Variants in PCDHGA9 observed in about 807,000 individuals in gnomAD.
PCDHGA9 encodes the protein protocadherin gamma subfamily A, 9, also known as protocadherin gamma-A9.
A neutral mutation model predicts 62.5 loss-of-function variants in PCDHGA9; 37 were observed. The ratio of observed to expected loss-of-function variants is 0.59; its 90% CI spans 0.46 to 0.78. The LOEUF (loss-of-function observed/expected upper bound fraction) is 0.78. Among genes scored for constraint, PCDHGA9 ranks in the 30% least tolerant of loss-of-function variants. The probability of loss-of-function intolerance (pLI) is 0.00; values close to 1 mark genes in which losing one functional copy is unlikely to be tolerated. For missense variants in PCDHGA9, 1,138 were observed against 1,166.2 expected, an observed-to-expected ratio of 0.98 and a Z score of 0.35; for synonymous variants, 459 against 484.6, an observed-to-expected ratio of 0.95 and a Z score of 0.69.
chr5:141,428,073 G>A (rs2097106496), intron 1 of PCDHGA9: 1 of 1,609,082 alleles, frequency 6.2e-7, no homozygotes, highest in Admixed American at 1.7e-5. Flanking sequence ...CGCAGATTCG[G>A]GACACAACGC....
At position 141,476,172 on chromosome 5, in the gene PCDHGA9, T is replaced by C; in HGVS notation, c.2425-18635T>C. 6.2e-7 allele frequency: 1 copy of C among 1,612,930 alleles called. No individual in the cohort carries two copies. The highest frequency in any genetic ancestry group is 1.1e-5 in the South Asian group (1 of 91,026). On this transcript the variant is annotated intron_variant, in intron 1 of 3. Coordinates refer to ENST00000573521, the MANE Select transcript of PCDHGA9 (RefSeq NM_018921.3). This position sits in a 1 kb window ranked among gnomAD's most constrained non-coding sequence, Gnocchi z 7.6. ...GTAAGCACCGGGAGGGTAGTGGGAG[T>C]TTTGCTTCTGCTTGGTGCCTTGAAC...
intron 2 of PCDHGA9, among the ~76,000 whole-genome samples, chr5:141,499,317 A>G (rs532848559): frequency 7.9e-5 from 12 of 152,354 alleles, no homozygotes; most frequent in Admixed American, 1.3e-4. Context: ...GAGAGACAGT[A>G]TCCCTGCTCT....
intron 1 of PCDHGA9, among the ~76,000 whole-genome samples, chr5:141,453,357 C>T (rs1027586816): frequency 1.3e-5 from 2 of 152,002 alleles, no homozygotes; most frequent in Admixed American, 6.6e-5. Flanking sequence ...TGACCCTGAA[C>T]TCCTGGGGTC....
chr5:141,431,464 G>A lies in PCDHGA9; in HGVS notation c.2424+26088G>A. The A allele has an allele frequency of 1.9e-6, 3 of 1,613,782 alleles. No individual in the cohort carries two copies. Among genetic ancestry groups the A allele is most frequent in the Non-Finnish European group, 1.7e-6 (2 of 1,179,972 alleles). ...GCATCCGCGTGATGGTTCTGGATGC[G>A]AACGACAACGCACCAGCGTTTGCTC... On this transcript the variant is annotated intron_variant, in intron 1 of 3. Coordinates refer to ENST00000573521, the MANE Select transcript of PCDHGA9 (RefSeq NM_018921.3). This position sits in a 1 kb window ranked among gnomAD's most constrained non-coding sequence, Gnocchi z 4.8.
rs1040028231 is a variant in PCDHGA9, at chr5:141,485,542, C to T, written c.2425-9265C>T. 6.8e-6 allele frequency: 11 copies of T among 1,613,900 alleles called. No individual in the cohort carries two copies. Among genetic ancestry groups the T allele is most frequent in the Admixed American group, 6.7e-5 (4 of 59,996 alleles). On this transcript the variant is annotated intron_variant, in intron 1 of 3. Coordinates refer to ENST00000573521, the MANE Select transcript of PCDHGA9 (RefSeq NM_018921.3). The surrounding 1 kb of genome is among the most constrained non-coding windows in gnomAD (Gnocchi z 5.7). ...AAATGTACCGAGCAGAGGTAGAGAT[C>T]GTAGATGTGAATGATCACGCCCCCC...
chr5:141,419,151 C>G, intron 1 of PCDHGA9: 3 of 1,613,918 alleles, frequency 1.9e-6, no homozygotes, highest in Non-Finnish European at 1.7e-6. Flanking sequence ...GGCAAGCCTC[C>G]GTTATCCTCC....
At chr5:141,410,849 C>CTTTTTTTTTTTTTTTTTTTCTT (rs2095436178) in intron 1 of PCDHGA9, 1 of 129,786 alleles carries the variant, frequency 7.7e-6, no homozygotes, top group Non-Finnish European at 1.3e-5. Context: ...TTGTCTTTGT[C>CTTTTTTTTTTTTTTTTTTTCTT]TTTTTTTTTT....
rs183952562 is a variant in PCDHGA9 at position 141,423,399 on chromosome 5, C to A, written c.2424+18023C>A. On this transcript the variant is annotated intron_variant, in intron 1 of 3. Transcript: ENST00000573521. ...GGCTGTGGCGCTGGCATAAGTCACG[C>A]CTGCTGCAGGCTTCTGAAGGCGGGT... 3.5e-5 allele frequency: 56 copies of A among 1,614,150 alleles called. No homozygotes were observed. The East Asian group carries it at 1.1e-3, about 33-fold the overall frequency.
chr5:141,445,120 AT>A (rs1287463110), intron 1 of PCDHGA9, among the ~76,000 whole-genome samples: 1 of 152,228 alleles, frequency 6.6e-6, no homozygotes, highest in African/African-American at 2.4e-5. Flanking sequence ...TGTAAATAGT[AT>A]TTTTAAAATT....
intron 1 of PCDHGA9, chr5:141,427,456 G>C (rs1172525843): frequency 2.0e-6 from 1 of 492,524 alleles, no homozygotes; most frequent in African/African-American, 1.9e-5. Flanking sequence ...GTTCCTTTTA[G>C]AATCGAATCT....
intron 1 of PCDHGA9, chr5:141,419,926 G>C (rs1371764532): frequency 7.4e-6 from 12 of 1,613,978 alleles, no homozygotes; most frequent in Non-Finnish European, 8.5e-6. Flanking sequence ...CTGAGATGCA[G>C]TTTTACCTGG....
chr5:141,505,252 C>T (rs2099844831), intron 2 of PCDHGA9, 141 bp from the exon 3 acceptor site: 1 of 1,454,140 alleles, frequency 6.9e-7, no homozygotes, highest in Non-Finnish European at 9.2e-7. Context: ...TGTAGAAGTG[C>T]CTCCTACCTT....
chr5:141,438,629 T>C (rs1162332421), intron 1 of PCDHGA9, among the ~76,000 whole-genome samples: 9 of 48,096 alleles, frequency 1.9e-4, no homozygotes, highest in Admixed American at 6.4e-4. Context: ...TATATATATA[T>C]ATATATACAC....
In PCDHGA9 at chr5:141,491,365, T is replaced by A. The variant is rs201011046; in HGVS notation, c.2425-3442T>A. ...CGTCAGTCTCTTATCCCTAGTCACC[T>A]TCACCTTTCTGTCAGCGAAGTGCCT... On this transcript the variant is annotated intron_variant, in intron 1 of 3. Transcript: ENST00000573521. This position sits in a 1 kb window ranked among gnomAD's most constrained non-coding sequence, Gnocchi z 6.9. 1.7e-5 allele frequency: 27 copies of A among 1,614,016 alleles called. No individual in the cohort carries two copies. The highest frequency in any genetic ancestry group is 2.0e-5 in the Non-Finnish European group (24 of 1,179,982).
At chr5:141,419,630 G>T in intron 1 of PCDHGA9, 2 of 1,612,430 alleles carry the variant, frequency 1.2e-6, no homozygotes, top group African/African-American at 1.3e-5. Flanking sequence ...GGTGACCAAG[G>T]TGGTGGCCGT....
intron 1 of PCDHGA9, chr5:141,426,874 C>T: frequency 2.2e-6 from 1 of 456,654 alleles, no homozygotes; most frequent in Non-Finnish European, 4.4e-6. Context: ...CTGGAGAAGC[C>T]CCTGGGCCAG....
Position 141,485,890 on chromosome 5 carries a change from C to G in PCDHGA9, c.2425-8917C>G. 4 of 1,614,156 alleles carry G rather than the reference C, an allele frequency of 2.5e-6. No individual in the cohort carries two copies. Among genetic ancestry groups the G allele is most frequent in the Non-Finnish European group, 2.5e-6 (3 of 1,180,022 alleles). The stretch of plus-strand genomic sequence containing the variant: ...CCGTGCTGGACGTAAACGACAACGC[C>G]CCAGCCTTCCAGCAATCCAGCTACA... On this transcript the variant is annotated intron_variant, in intron 1 of 3. Coordinates refer to ENST00000573521, the MANE Select transcript of PCDHGA9 (RefSeq NM_018921.3). The surrounding 1 kb of genome is among the most constrained non-coding windows in gnomAD (Gnocchi z 5.7).
At chr5:141,408,473 G>A (rs2095117243) in intron 1 of PCDHGA9, 5 of 1,613,952 alleles carry the variant, frequency 3.1e-6, no homozygotes, top group African/African-American at 1.3e-5. Flanking sequence ...GAACCGAATA[G>A]ACCGTGAGCA....
chr5:141,422,328 TGCTCTTCTAAA>T (rs2096641385), intron 1 of PCDHGA9: 1 of 1,548,384 alleles, frequency 6.5e-7, no homozygotes, highest in Admixed American at 2.1e-5. Flanking sequence ...GTACAGTGAT[TGCTCTTCTAAA>T]TGTGCAAGAT....
Sources: allele counts gnomAD v4.1 joint callset (sites outside exome capture counted in the v4.1 genomes callset), GRCh38; gene constraint gnomAD v4.1.1; non-coding constraint Gnocchi (gnomAD v3.1); transcripts MANE v1.5; gene names NCBI Gene and HGNC (gene_info 2026-07-23, HGNC 2026-07-21).